HIP1R: variants seen among roughly 807,000 people sequenced by gnomAD.
HIP1R encodes huntingtin-interacting protein 1-related protein.
In HIP1R, 135 loss-of-function variants were observed where a neutral mutation model predicts 144.2. The observed-to-expected ratio is 0.94, with a 90% CI of 0.81 to 1.08. The LOEUF (loss-of-function observed/expected upper bound fraction) is 1.08, where lower values mean the gene tolerates loss of function less well. HIP1R is among the 50% of genes least tolerant of loss of function. The pLI, the probability that HIP1R is intolerant of heterozygous loss-of-function variation, is 0.00. For missense variants in HIP1R, 1,462 were observed against 1,432.8 expected, an observed-to-expected ratio of 1.02 and a Z score of -0.33; for synonymous variants, 698 against 612.8, an observed-to-expected ratio of 1.14 and a Z score of -2.05.
At chr12:122,844,413 A>G (rs1325437890) in intron 1 of HIP1R, among the ~76,000 whole-genome samples, 1 of 152,196 alleles carries the variant, frequency 6.6e-6, no homozygotes, top group African/African-American at 2.4e-5. Context: ...GGCGTGCGCC[A>G]CTGTGCCTGG....
At position 122,861,490 on chromosome 12, in the gene HIP1R, C is replaced by T. The variant is rs368029781; in HGVS notation, c.3135C>T (p.Ser1045=). ...AACCACCCCTGGCCCAGAAGCCCAG[C>T]GTGGCCCCCAGACAGGACCACCAGG... ...TKKPPLAQKP[S]VAPRQDHQLD... Residue 1045 remains serine (S), a synonymous_variant, in exon 31 of 32, where the codon AGC becomes AGT. Coordinates refer to ENST00000253083, the MANE Select transcript of HIP1R (RefSeq NM_003959.3). 1.7e-5 allele frequency: 27 copies of T among 1,612,206 alleles called. No individual in the cohort carries two copies. Among genetic ancestry groups the T allele is most frequent in the Admixed American group, 1.3e-4 (8 of 59,874 alleles).
At chr12:122,858,534 C>T in intron 20 of HIP1R, 99 bp downstream of exon 20, 8 of 1,003,644 alleles carry the variant, frequency 8.0e-6, no homozygotes, top group Non-Finnish European at 1.2e-5. Flanking sequence ...ACAGCAGGGA[C>T]CTCTCTGGGA....
intron 8 of HIP1R, 113 bp downstream of exon 8, chr12:122,854,296 G>GT: frequency 1.9e-6 from 1 of 529,830 alleles, no homozygotes; most frequent in Non-Finnish European, 2.9e-6. Flanking sequence ...AAAAATGGCA[G>GT]TAATAAACCC....
intron 4 of HIP1R, among the ~76,000 whole-genome samples, chr12:122,849,197 T>G (rs1276444117): frequency 6.6e-6 from 1 of 152,226 alleles, no homozygotes. Context: ...TGCTGAAGAA[T>G]CAGGACTGGA....
In HIP1R at chr12:122,860,295, C is replaced by G. The variant is rs917889104; in HGVS notation, c.2559+85C>G. ...ACCCTGGGCATGAGACCCTCCACCC[C>G]CTACCACAGGGAGGCCTCAGGGATG... is the stretch of plus-strand genomic sequence containing the variant. On this transcript the variant is annotated intron_variant, in intron 26 of 31. Transcript: ENST00000253083. The G allele has an allele frequency of 6.5e-6, 10 of 1,539,608 alleles. No individual in the cohort carries two copies. In the African/African-American group the frequency reaches 1.4e-4, roughly 21 times the overall value.
At chr12:122,857,259 G>T in intron 18 of HIP1R, 44 bp downstream of exon 18, 7 of 1,510,662 alleles carry the variant, frequency 4.6e-6, no homozygotes, top group Non-Finnish European at 6.3e-6. Context: ...GTTCACTGCC[G>T]TCTGGCAACC....
chr12:122,859,726 C>T (rs201739214), intron 23 of HIP1R, 46 bp from the exon 24 acceptor site: 38 of 1,598,894 alleles, frequency 2.4e-5, no homozygotes, highest in African/African-American at 1.6e-4. Context: ...CCCAGGACCA[C>T]GGTCCCCTCC....
In HIP1R at chr12:122,836,046, G is replaced by T. The variant is rs2032885491; in HGVS notation, c.93+403G>T. 6.6e-6 allele frequency among the ~76,000 whole-genome samples: 1 copy of T among 151,820 alleles called. No individual in the cohort carries two copies. Among genetic ancestry groups the T allele is most frequent in the South Asian group, 2.1e-4 (1 of 4,818 alleles). On this transcript the variant is annotated intron_variant, in intron 1 of 31. Transcript: ENST00000253083. The surrounding 1 kb of genome is among the most constrained non-coding windows in gnomAD (Gnocchi z 4.1). ...GGGGTCGAGGGGGCTGGGGATCCAG[G>T]TGCTCCCGGGGCCGGCGCGGCCCGA...
Position 122,861,331 on chromosome 12 carries a change from G to A in HIP1R, c.2976G>A (p.Lys992=). 9 of 1,613,796 alleles carry A rather than the reference G, an allele frequency of 5.6e-6. No individual in the cohort carries two copies. The highest frequency in any genetic ancestry group is 7.6e-6 in the Non-Finnish European group (9 of 1,179,986). ...AGGTGCGTGTCCTGGAGCTGGAGAA[G>A]ACGCTGGAGGCTGAACGCATGCGGC... The part of the protein sequence containing the change: ...ETQVRVLELE[K]TLEAERMRLG... Residue 992 remains lysine (K), a synonymous_variant, in exon 31 of 32, where the codon AAG becomes AAA. Transcript: ENST00000253083.
At chr12:122,852,545 G>A (rs1170137899) in intron 7 of HIP1R, among the ~76,000 whole-genome samples, 1 of 152,178 alleles carries the variant, frequency 6.6e-6, no homozygotes, top group Non-Finnish European at 1.5e-5. Context: ...ACCTGGTGAC[G>A]CTGGTGTGTT....
chr12:122,851,497 A>C (rs542418371), intron 7 of HIP1R, among the ~76,000 whole-genome samples, 200 bp downstream of exon 7: 1 of 152,090 alleles, frequency 6.6e-6, no homozygotes, highest in African/African-American at 2.4e-5. Context: ...CAGGGGTTCA[A>C]GACCAGCCTG....
chr12:122,859,021 C>CA (rs1555263635), intron 21 of HIP1R, 40 bp from the exon 22 acceptor site: 21 of 867,398 alleles, frequency 2.4e-5, no homozygotes, highest in Admixed American at 1.1e-4. Context: ...TGGAGCCTGT[C>CA]GGTGGGGGGG....
In HIP1R at chr12:122,836,231, ATTAT is replaced by A. The variant is rs980422648; in HGVS notation, c.93+591_93+594del. 1.3e-5 allele frequency among the ~76,000 whole-genome samples: 2 copies of A among 151,842 alleles called. No individual in the cohort carries two copies. The highest frequency in any genetic ancestry group is 4.8e-5 in the African/African-American group (2 of 41,310). On this transcript the variant is annotated intron_variant, in intron 1 of 31. Coordinates refer to ENST00000253083, the MANE Select transcript of HIP1R (RefSeq NM_003959.3). This position sits in a 1 kb window ranked among gnomAD's most constrained non-coding sequence, Gnocchi z 4.1. ...GTTTCCCAGGGCTGCACAGTCTCCT[ATTAT>A]TTGCTGGGTGAAAAGCTTCTCGTAT...
intron 28 of HIP1R, 60 bp from the exon 29 acceptor site, chr12:122,860,856 C>A: frequency 6.3e-7 from 1 of 1,597,162 alleles, no homozygotes; most frequent in Admixed American, 1.8e-5. Flanking sequence ...CTGCCAAGCC[C>A]AGGCCTGCTG....
In HIP1R at chr12:122,840,052, C is replaced by T. The variant is rs774221661; in HGVS notation, c.93+4409C>T. Among the ~76,000 whole-genome samples the T allele has an allele frequency of 2.0e-5, 3 of 152,270 alleles. No homozygotes were observed. Among genetic ancestry groups the T allele is most frequent in the Admixed American group, 2.0e-4 (3 of 15,290 alleles). On this transcript the variant is annotated intron_variant, in intron 1 of 31. Coordinates refer to ENST00000253083, the MANE Select transcript of HIP1R (RefSeq NM_003959.3). The surrounding 1 kb of genome is among the most constrained non-coding windows in gnomAD (Gnocchi z 4.2). ...GGGCATGCGCACTGCTGTCTCGCCCCGTGACATCCTCTGCTCGGTTCCACC... is the reference window on the plus strand; with the variant it reads ...GGGCATGCGCACTGCTGTCTCGCCCTGTGACATCCTCTGCTCGGTTCCACC...
chr12:122,854,271 G>A, intron 8 of HIP1R, 88 bp downstream of exon 8: 2 of 1,184,620 alleles, frequency 1.7e-6, no homozygotes, highest in South Asian at 3.6e-5. Context: ...CGAAAAATTA[G>A]AGGTTTATTC....
At chr12:122,860,278 C>T in intron 26 of HIP1R, 68 bp downstream of exon 26, 2 of 1,530,836 alleles carry the variant, frequency 1.3e-6, no homozygotes, top group Non-Finnish European at 1.8e-6. Context: ...CCACCCTGGG[C>T]ATGAGACCCT....
chr12:122,860,014 AGCG>A, intron 24 of HIP1R, 30 bp from the exon 25 acceptor site: 1 of 1,542,782 alleles, frequency 6.5e-7, no homozygotes, highest in Non-Finnish European at 8.7e-7. Context: ...TGCTCTGCAG[AGCG>A]GCAGCTAAGT....
rs924286336 is a variant in HIP1R, at chr12:122,848,831, C to T, written c.336C>T (p.Ile112=). 6.2e-7 allele frequency: 1 copy of T among 1,613,304 alleles called. No homozygotes were observed. ...ACTGCCAGCGGTACCGCAGCAACAT[C>T]CGGGAGATTGGAGACCTGTGGGTAG... ...LHDCQRYRSN[I]REIGDLWGHL... is the part of the protein sequence containing the mutation. The change falls in exon 4 of 32, where the codon ATC becomes ATT. Residue 112 remains isoleucine, a synonymous_variant. Coordinates refer to ENST00000253083, the MANE Select transcript of HIP1R (RefSeq NM_003959.3).
Sources: gnomAD v4.1 joint callset for allele counts (sites outside exome capture counted in the v4.1 genomes callset) on GRCh38, gnomAD v4.1.1 for gene constraint, Gnocchi (gnomAD v3.1) non-coding constraint, MANE v1.5 for transcripts, NCBI Gene and HGNC (gene_info 2026-07-23, HGNC 2026-07-21) for gene names.